Variants in PARP16 observed in about 807,000 individuals in gnomAD.
The protein encoded by PARP16 is poly(ADP-ribose) polymerase family member 16, also known as protein mono-ADP-ribosyltransferase PARP16.
A neutral mutation model predicts 35.0 loss-of-function variants in PARP16; 31 were observed. The ratio of observed to expected loss-of-function variants is 0.88; its 90% confidence interval spans 0.66 to 1.19. The LOEUF (loss-of-function observed/expected upper bound fraction) is 1.19. Among genes scored for constraint, PARP16 ranks in the 50% most tolerant of loss-of-function variants. The pLI is 0.00. For missense variants in PARP16, 424 were observed against 411.2 expected, an observed-to-expected ratio of 1.03 and a Z score of -0.27; for synonymous variants, 162 against 169.5, an observed-to-expected ratio of 0.96 and a Z score of 0.34.
chr15:65,245,279 A>G (rs981317568), intron 3 of PARP16, among the ~76,000 whole-genome samples: 3 of 152,310 alleles, frequency 2.0e-5, no homozygotes, highest in Admixed American at 6.5e-5. Flanking sequence ...CTGCTCATGG[A>G]AAGTCCCCCT....
chr15:65,262,318 G>A (rs962031569), intron 4 of PARP16, among the ~76,000 whole-genome samples: 3 of 152,010 alleles, frequency 2.0e-5, no homozygotes, highest in Admixed American at 1.3e-4. Context: ...TTTTAGTAGA[G>A]AAGAGGTTTC....
At chr15:65,276,090 C>T (rs1224218436) in intron 1 of PARP16, among the ~76,000 whole-genome samples, 2 of 152,200 alleles carry the variant, frequency 1.3e-5, no homozygotes, top group African/African-American at 4.8e-5. Context: ...TCTGCCCAGA[C>T]AGGGTCCCTG....
intron 1 of PARP16, among the ~76,000 whole-genome samples, chr15:65,284,156 C>T (rs1212491650): frequency 3.3e-5 from 5 of 152,212 alleles, no homozygotes; most frequent in Admixed American, 2.6e-4. Context: ...TTTAATCTAT[C>T]AATGTGGTTC....
At chr15:65,257,629 CAAAAAAAAAAAA>C (rs5813342), downstream of PARP16, among the ~76,000 whole-genome samples, 1 of 66,910 alleles carries the variant, frequency 1.5e-5, no homozygotes, top group Admixed American at 1.8e-4. Context: ...GACTCTGTCT[CAAAAAAAAAAAA>C]AAAAAAAAAA....
At chr15:65,262,141 T>C (rs2089747560) in intron 4 of PARP16, among the ~76,000 whole-genome samples, 1 of 150,930 alleles carries the variant, frequency 6.6e-6, no homozygotes, top group South Asian at 2.1e-4. Flanking sequence ...TTTCTTTTTT[T>C]TTTTTTTTTT....
chr15:65,278,913 C>T (rs2090338266), intron 1 of PARP16, among the ~76,000 whole-genome samples: 1 of 151,990 alleles, frequency 6.6e-6, no homozygotes, highest in African/African-American at 2.4e-5. Context: ...AACAGTGGGG[C>T]AGGGGCGATG....
At position 65,259,417 on chromosome 15, in the gene PARP16, G is replaced by A. The variant is rs775661449; in HGVS notation, c.959C>T (p.Ala320Val). The A allele has an allele frequency of 1.2e-5, 19 of 1,613,936 alleles. No individual in the cohort carries two copies. The highest frequency in any genetic ancestry group is 6.7e-5 in the Admixed American group (4 of 59,982). Reference protein sequence around the residue: ...SSAFQHFWNRAKR With the variant: ...SSAFQHFWNRVKR ...CCAGGCCCAGAAAGATTATCTTTTCGCACGATTCCAAAAGTGTTGGAAAGC... is the reference window on the plus strand; with the variant it reads ...CCAGGCCCAGAAAGATTATCTTTTCACACGATTCCAAAAGTGTTGGAAAGC... Residue 320 changes from alanine to valine, a missense_variant, in exon 6 of 6, where the codon GCG becomes GTG. Physicochemically the swap from Ala to Val is moderately conservative, Grantham distance 64 (BLOSUM62 0). Transcript: ENST00000649807.
intron 3 of PARP16, among the ~76,000 whole-genome samples, chr15:65,245,584 T>C (rs1458390555): frequency 6.6e-6 from 1 of 152,066 alleles, no homozygotes; most frequent in African/African-American, 2.4e-5. Flanking sequence ...GCTGCTTGTA[T>C]GGAAGCAGCT....
chr15:65,248,379 C>A (rs767750506), intron 2 of PARP16, among the ~76,000 whole-genome samples: 3 of 152,116 alleles, frequency 2.0e-5, no homozygotes, highest in Admixed American at 6.5e-5. Context: ...ACCAAAATAA[C>A]CTCATGAGTA....
intron 1 of PARP16, among the ~76,000 whole-genome samples, chr15:65,272,314 A>G (rs1567032878): frequency 1.3e-5 from 2 of 152,170 alleles, no homozygotes; most frequent in Non-Finnish European, 1.5e-5. Context: ...ATTATTTACC[A>G]TTCTAAAATC....
At chr15:65,244,115 T>C (rs796081735) in intron 3 of PARP16, among the ~76,000 whole-genome samples, 3 of 152,326 alleles carry the variant, frequency 2.0e-5, no homozygotes, top group African/African-American at 7.2e-5. Flanking sequence ...GCTCTTTGCA[T>C]GGTCGTTTCT....
At chr15:65,270,180 C>A (rs538608411) in intron 2 of PARP16, among the ~76,000 whole-genome samples, 1 of 152,128 alleles carries the variant, frequency 6.6e-6, no homozygotes, top group Non-Finnish European at 1.5e-5. Context: ...AGGAAGAGCA[C>A]CAGAGCAGGA....
intron 3 of PARP16, among the ~76,000 whole-genome samples, chr15:65,247,602 G>C (rs1160781772): frequency 6.6e-6 from 1 of 152,052 alleles, no homozygotes. Context: ...CTGAGCACAG[G>C]ACTAGTATCT....
rs140267356 is a variant in PARP16, at chr15:65,271,031, G to T, written c.216C>A (p.Leu72=). The change falls in exon 2 of 6, where the codon CTC becomes CTA. Residue 72 remains leucine, a synonymous_variant. Coordinates refer to ENST00000649807, the MANE Select transcript of PARP16 (RefSeq NM_001316943.2). The part of the protein sequence containing the change: ...ASKLPNLKEL[L]QSSGDNHKRA... ...GTTTGTGGTTGTCTCCGGAGGACTG[G>T]AGAAGTTCTTTCAGGTTAGGTAACT... 6,356 of 1,614,068 alleles carry T rather than the reference G, an allele frequency of 3.9e-3. 56 individuals are homozygous for T. Among genetic ancestry groups the T allele is most frequent in the Admixed American group, 0.015 (875 of 60,018 alleles).
At chr15:65,248,138 T>C (rs1190931561) in exon 3 of PARP16, 3 of 456,342 alleles carry the variant, frequency 6.6e-6, no homozygotes, top group Non-Finnish European at 8.8e-6. Flanking sequence ...CCACAGTTCC[T>C]TTCCATGAGG....
intron 3 of PARP16, among the ~76,000 whole-genome samples, chr15:65,246,674 T>C (rs1215208281): frequency 1.3e-5 from 2 of 152,164 alleles, no homozygotes; most frequent in African/African-American, 4.8e-5. Flanking sequence ...CTGTCTTTCA[T>C]AGTACTTATC....
intron 1 of PARP16, among the ~76,000 whole-genome samples, chr15:65,280,076 T>C (rs1332619164): frequency 1.3e-5 from 2 of 151,862 alleles, no homozygotes; most frequent in Non-Finnish European, 2.9e-5. Context: ...ATAATAACGA[T>C]CTTCCCCAGT....
intron 3 of PARP16, among the ~76,000 whole-genome samples, chr15:65,239,452 A>AAAAAAAAAGAG (rs34910178): frequency 1.6e-4 from 18 of 113,106 alleles, no homozygotes; most frequent in South Asian, 7.1e-4. Flanking sequence ...AAAAAAAAAA[A>AAAAAAAAAGAG]AGAGAGAAAA....
chr15:65,240,364 T>TGTGTGTGTGTGTGTGTGTG (rs2089036438), intron 3 of PARP16, among the ~76,000 whole-genome samples: 1 of 86,766 alleles, frequency 1.2e-5, no homozygotes, highest in African/African-American at 5.1e-5. Context: ...GTGTGTGTGT[T>TGTGTGTGTGTGTGTGTGTG]GGGATTACAG....
Sources: gnomAD v4.1 joint callset for allele counts (sites outside exome capture counted in the v4.1 genomes callset) on GRCh38, gnomAD v4.1.1 for gene constraint, MANE v1.5 for transcripts, NCBI Gene and HGNC (gene_info 2026-07-23, HGNC 2026-07-21) for gene names.